The following DYNC2H1 variants were observed in gnomAD, a reference collection of about 807,000 sequenced individuals.
DYNC2H1 encodes dynein cytoplasmic 2 heavy chain 1, also known as cytoplasmic dynein 2 heavy chain 1.
Under a neutral mutation model 570.0 loss-of-function variants are expected in DYNC2H1, and 410 were observed. That is an observed-to-expected ratio of 0.72 (90% confidence interval 0.66 to 0.78). The LOEUF (loss-of-function observed/expected upper bound fraction) is 0.78. Among genes scored for constraint, DYNC2H1 ranks in the 30% least tolerant of loss-of-function variants. The pLI is 0.00. For missense variants in DYNC2H1, 4,865 were observed against 5,046.4 expected (o/e 0.96, Z 1.09); for synonymous variants, 1,688 against 1,677.6 (o/e 1.01, Z -0.15).
rs1940734858 is a variant in DYNC2H1 at position 103,363,018 on chromosome 11, A to G, written c.12156+4659A>G. Among the ~76,000 whole-genome samples the G allele has an allele frequency of 6.6e-6, 1 of 152,054 alleles. No homozygotes were observed. The highest frequency in any genetic ancestry group is 2.4e-5 in the African/African-American group (1 of 41,430). ...TGCACTCCAGCCTGGGCGACAGAGC[A>G]AGACTCTGTCTCAAAATAAATAAAT... On this transcript the variant is annotated intron_variant, in intron 83 of 88. Transcript: ENST00000375735. The surrounding 1 kb of genome is among the most constrained non-coding windows in gnomAD (Gnocchi z 5.6).
At chr11:103,214,446 CTTTTT>C (rs200386358) in intron 54 of DYNC2H1, among the ~76,000 whole-genome samples, 3 of 127,448 alleles carry the variant, frequency 2.4e-5, no homozygotes, top group Admixed American at 8.5e-5. Context: ...ACTTCTTCTT[CTTTTT>C]TTTTTTTTTT....
At chr11:103,451,473 C>T (rs1456089703) in intron 85 of DYNC2H1, among the ~76,000 whole-genome samples, 1 of 151,910 alleles carries the variant, frequency 6.6e-6, no homozygotes, top group Non-Finnish European at 1.5e-5. Context: ...GCTGGGGCTA[C>T]AGGCGCGTGC....
chr11:103,152,392 G>T, intron 21 of DYNC2H1, 107 bp downstream of exon 21: 3 of 1,101,550 alleles, frequency 2.7e-6, no homozygotes, highest in Non-Finnish European at 2.5e-6. Context: ...ATTTAATGTG[G>T]CTGTTGAAAT....
intron 84 of DYNC2H1, among the ~76,000 whole-genome samples, chr11:103,408,688 G>T (rs1349352244): frequency 6.6e-6 from 1 of 151,996 alleles, no homozygotes; most frequent in Non-Finnish European, 1.5e-5. Flanking sequence ...CAACATTGAG[G>T]TCGTAAACCC....
chr11:103,389,888 A>G (rs1349148127), intron 83 of DYNC2H1, among the ~76,000 whole-genome samples: 1 of 151,990 alleles, frequency 6.6e-6, no homozygotes, highest in East Asian at 1.9e-4. Context: ...CTGTTCTTTT[A>G]TATTCGCTGA....
chr11:103,435,096 C>T (rs942046157), intron 84 of DYNC2H1, among the ~76,000 whole-genome samples: 5 of 152,136 alleles, frequency 3.3e-5, no homozygotes, highest in African/African-American at 1.2e-4. Flanking sequence ...AGAAGGCTTA[C>T]TTTATTCCTG....
At chr11:103,304,750 C>G in intron 77 of DYNC2H1, 30 bp downstream of exon 77, 1 of 1,598,160 alleles carries the variant, frequency 6.3e-7, no homozygotes, top group Non-Finnish European at 8.5e-7. Context: ...CAAATAATAT[C>G]TATTATACTC....
chr11:103,220,149 C>A, intron 56 of DYNC2H1, 121 bp downstream of exon 56: 9 of 495,202 alleles, frequency 1.8e-5, no homozygotes, highest in South Asian at 4.4e-5. Context: ...TGGTTTTCAA[C>A]CAAAATGTTA....
rs1860966396 is a variant in DYNC2H1, at chr11:103,159,030, A to G, written c.4378+3A>G. 6.2e-7 allele frequency: 1 copy of G among 1,602,826 alleles called. No homozygotes were observed. Among genetic ancestry groups the G allele is most frequent in the Non-Finnish European group, 8.5e-7 (1 of 1,171,462 alleles). Reference sequence around the variant, plus strand: ...TCACCTGAAGAAGCTTTTTGCTGGTAGGATTCAACATTTATTTAACAGATA... The same window carrying G: ...TCACCTGAAGAAGCTTTTTGCTGGTGGGATTCAACATTTATTTAACAGATA... On this transcript the variant is annotated splice_donor_region_variant and intron_variant, in intron 28 of 88. Transcript: ENST00000375735.
chr11:103,432,478 C>T (rs1355431342), intron 84 of DYNC2H1, among the ~76,000 whole-genome samples: 1 of 152,128 alleles, frequency 6.6e-6, no homozygotes, highest in African/African-American at 2.4e-5. Flanking sequence ...TCTTGAACCA[C>T]CACTGCACTG....
At chr11:103,128,848 T>C in intron 12 of DYNC2H1, 62 bp from the exon 13 acceptor site, 1 of 1,323,492 alleles carries the variant, frequency 7.6e-7, no homozygotes, top group African/African-American at 1.5e-5. Context: ...ATTCAAACAA[T>C]TAAAAATAAA....
Position 103,465,648 on chromosome 11 carries a change from G to A in DYNC2H1, c.12649-2941G>A, listed in dbSNP as rs985900711. On this transcript the variant is annotated intron_variant, in intron 87 of 88. Coordinates refer to ENST00000375735, the MANE Select transcript of DYNC2H1 (RefSeq NM_001377.3). This position sits in a 1 kb window ranked among gnomAD's most constrained non-coding sequence, Gnocchi z 4.9. ...AGATCAGTTAGAAGGGAAGGTCCAT[G>A]CTGGCCTCATTCATATATATGGCAA... is the stretch of plus-strand genomic sequence containing the variant. Among the ~76,000 whole-genome samples, 1 of 152,132 alleles carries A rather than the reference G, an allele frequency of 6.6e-6. No individual in the cohort carries two copies. The highest frequency in any genetic ancestry group is 1.5e-5 in the Non-Finnish European group (1 of 68,018).
intron 13 of DYNC2H1, among the ~76,000 whole-genome samples, chr11:103,131,102 G>A (rs948643670): frequency 6.6e-6 from 1 of 152,110 alleles, no homozygotes; most frequent in Non-Finnish European, 1.5e-5. Flanking sequence ...TTCAAGTGAA[G>A]TATAGAAACT....
rs1942346684 is a variant in DYNC2H1, at chr11:103,395,154, C to T, written c.12157-4509C>T. On this transcript the variant is annotated intron_variant, in intron 83 of 88. Transcript: ENST00000375735. The surrounding 1 kb of genome is among the most constrained non-coding windows in gnomAD (Gnocchi z 4.3). ...TTGGGAAAGTTGTCTGTTGAACTTG[C>T]ATTAATCAGTTATGACATTTTAGAT... Among the ~76,000 whole-genome samples, 1 of 152,066 alleles carries T rather than the reference C, an allele frequency of 6.6e-6. No homozygotes were observed. The highest frequency in any genetic ancestry group is 2.1e-4 in the South Asian group (1 of 4,824).
chr11:103,156,675 T>C lies in DYNC2H1; in HGVS notation c.4032T>C (p.His1344=), dbSNP rs1322572019. ...ELDEYLQNLN[H]IQRKWVYLEP... is the part of the protein sequence containing the mutation. ...ATGAATACCTGCAGAATTTAAATCA[T>C]ATTCAGAGAAAGTGGGTGTATTTGG... Residue 1344 remains histidine (H), a synonymous_variant, in exon 26 of 89, where the codon CAT becomes CAC. Transcript: ENST00000375735. 1.9e-6 allele frequency: 3 copies of C among 1,613,376 alleles called. No homozygotes were observed. Among genetic ancestry groups the C allele is most frequent in the Non-Finnish European group, 2.5e-6 (3 of 1,179,682 alleles).
chr11:103,234,151 G>T lies in DYNC2H1; in HGVS notation c.9558G>T (p.Trp3186Cys). Residue 3186 changes from tryptophan to cysteine, a missense_variant, in exon 61 of 89, where the codon TGG (tryptophan) becomes TGT (cysteine). Physicochemically the swap from Trp to Cys is radical, Grantham distance 215. This residue lies in a region of DYNC2H1 where 2,401 missense variants were observed against 2,454.6 expected (regional missense o/e 0.98). Transcript: ENST00000375735. ...AGCTTGACAGAGAACATAAGAGATG[G>T]AATGCACAGGTTTGTTTGAGAGAGG... Reference protein sequence around the residue: ...INQLDREHKRWNAQVVEITEE... With the variant: ...INQLDREHKRCNAQVVEITEE... The T allele has an allele frequency of 4.4e-6, 7 of 1,584,848 alleles. No homozygotes were observed. Among genetic ancestry groups the T allele is most frequent in the South Asian group, 1.2e-5 (1 of 86,462 alleles).
At chr11:103,121,185 G>C (rs1394470404) in intron 9 of DYNC2H1, 149 bp downstream of exon 9, 1 of 936,472 alleles carries the variant, frequency 1.1e-6, no homozygotes, top group African/African-American at 1.7e-5. Flanking sequence ...ATAAATGACA[G>C]ATTTTTTTGC....
rs1266066582 is a variant in DYNC2H1, at chr11:103,121,051, G to C, written c.1360+15G>C. Reference sequence around the variant, plus strand: ...CTCAATTAAAGGTAAAAGTTTATGAGATTATAGTGTTTGCTTGAGAGAATA... The same window carrying C: ...CTCAATTAAAGGTAAAAGTTTATGACATTATAGTGTTTGCTTGAGAGAATA... On this transcript the variant is annotated intron_variant, in intron 9 of 88. Transcript: ENST00000375735. The C allele has an allele frequency of 6.9e-7, 1 of 1,458,096 alleles. No homozygotes were observed. Among genetic ancestry groups the C allele is most frequent in the African/African-American group, 1.4e-5 (1 of 69,676 alleles). 90.3% of individuals were successfully genotyped at this position (1,458,096 alleles called of 1,614,324 possible).
At chr11:103,475,130 T>G (rs1407065005) in intron 88 of DYNC2H1, among the ~76,000 whole-genome samples, 1 of 152,218 alleles carries the variant, frequency 6.6e-6, no homozygotes, top group African/African-American at 2.4e-5. Flanking sequence ...AGCCTCATTA[T>G]TGAACAGAAC....
Sources: allele counts gnomAD v4.1 joint callset (sites outside exome capture counted in the v4.1 genomes callset), GRCh38; gene constraint gnomAD v4.1.1; regional missense constraint gnomAD v4.1.1; non-coding constraint Gnocchi (gnomAD v3.1); transcripts MANE v1.5; gene names NCBI Gene and HGNC (gene_info 2026-07-23, HGNC 2026-07-21).